Variants in PHKA2 observed in about 807,000 individuals in gnomAD.
PHKA2 encodes the protein phosphorylase kinase regulatory subunit alpha 2.
A neutral mutation model predicts 102.0 loss-of-function variants in PHKA2; 31 were observed. The observed-to-expected ratio is 0.30, with a 90% CI of 0.23 to 0.41. PHKA2 has a LOEUF of 0.41. PHKA2 is among the 10% of genes least tolerant of loss of function. PHKA2 has a pLI of 1.00. For missense variants in PHKA2, 858 were observed against 1,023.1 expected (o/e 0.84, Z 2.20); for synonymous variants, 455 against 416.2 (o/e 1.09, Z -1.13).
At chrX:18,956,947 G>C (rs985633338) in intron 1 of PHKA2, among the ~76,000 whole-genome samples, 1 of 112,086 alleles carries the variant, frequency 8.9e-6, no homozygotes, top group Non-Finnish European at 1.9e-5. Context: ...TTCTCACCCA[G>C]GCTGGAGTGC....
intron 3 of PHKA2, among the ~76,000 whole-genome samples, chrX:18,952,088 C>G (rs1307416543): frequency 9.4e-6 from 1 of 106,514 alleles, no homozygotes; most frequent in Non-Finnish European, 1.9e-5. Context: ...ACTCCTCACA[C>G]CTGTAATCCG....
In PHKA2 at chrX:18,925,766, T is replaced by G. The variant is rs2048200168; in HGVS notation, c.1471A>C (p.Asn491His). Residue 491 changes from asparagine (N) to histidine (H), a missense_variant, in exon 15 of 33, where the codon AAT becomes CAT. Physicochemically the swap from Asn to His is moderately conservative, Grantham distance 68. This residue lies in a region of PHKA2 where 671 missense variants were observed against 745.2 expected (regional missense o/e 0.90). Coordinates refer to ENST00000379942, the MANE Select transcript of PHKA2 (RefSeq NM_000292.3). ...HIYAKLGRNK[N>H]MNLSGRPYRH... Reference sequence around the variant, plus strand: ...TACGGTCGCCCACTCAAATTCATATTCTTATTCCGTCCTGTTTGAGAAGTA... The same window carrying G: ...TACGGTCGCCCACTCAAATTCATATGCTTATTCCGTCCTGTTTGAGAAGTA... The G allele has an allele frequency of 8.6e-7, 1 of 1,161,285 alleles. No individual in the cohort carries two copies. The highest frequency in any genetic ancestry group is 2.2e-5 in the Admixed American group (1 of 45,623).
Position 18,897,303 on chromosome X carries a change from T to TGCCAGTGGG in PHKA2, c.3133_3141dup (p.Pro1045_Gly1047dup). The TGCCAGTGGG allele has an allele frequency of 8.3e-7, 1 of 1,210,235 alleles. No individual in the cohort carries two copies. The highest frequency in any genetic ancestry group is 1.1e-6 in the Non-Finnish European group (1 of 895,153). ...TGTCCTCCCGAGTCTGAGGATGACG[T>TGCCAGTGGG]GCCAGTGGGCGAGGATGGGGTGCTG... On this transcript the variant is annotated inframe_insertion, in exon 30 of 33. Transcript: ENST00000379942.
intron 22 of PHKA2, among the ~76,000 whole-genome samples, chrX:18,907,419 C>T (rs1486761492): frequency 8.9e-6 from 1 of 112,030 alleles, no homozygotes; most frequent in Non-Finnish European, 1.9e-5. Flanking sequence ...GGGATGAGTC[C>T]GAAGATACCG....
intron 29 of PHKA2, among the ~76,000 whole-genome samples, chrX:18,898,583 T>C (rs746389405): frequency 1.8e-5 from 2 of 112,820 alleles, no homozygotes; most frequent in Non-Finnish European, 3.8e-5. Flanking sequence ...TCTGCAGCAG[T>C]TGGATTTCAA....
chrX:18,931,204 C>A (rs1410709361), intron 12 of PHKA2, among the ~76,000 whole-genome samples: 1 of 112,293 alleles, frequency 8.9e-6, no homozygotes, highest in Non-Finnish European at 1.9e-5. Context: ...GAAAATCCGG[C>A]CCGCCACCTC....
At chrX:18,977,555 C>T (rs2049106880) in intron 1 of PHKA2, among the ~76,000 whole-genome samples, 1 of 111,451 alleles carries the variant, frequency 9.0e-6, no homozygotes, top group Non-Finnish European at 1.9e-5. Context: ...TCAAATTTTG[C>T]TTTACATACT....
At chrX:18,947,841 G>C (rs1013906323) in intron 5 of PHKA2, among the ~76,000 whole-genome samples, 1 of 112,261 alleles carries the variant, frequency 8.9e-6, no homozygotes, top group African/African-American at 3.2e-5. Flanking sequence ...TGGATTAATG[G>C]CATTTGCAGC....
chrX:18,910,764 C>T (rs1043487241), intron 20 of PHKA2, 108 bp downstream of exon 20: 8 of 493,838 alleles, frequency 1.6e-5, no homozygotes, highest in African/African-American at 1.2e-4. Context: ...TCCCTGATAT[C>T]GAGAAATATG....
chrX:18,894,326 G>A lies in PHKA2; in HGVS notation c.3415C>T (p.Leu1139=), dbSNP rs371835709. ...NRVPQPEYRQ[L]LVEAIMVLTL... is the part of the protein sequence containing the mutation. ...AGCACCATGATGGCTTCCACCAGCA[G>A]CTGCCGGTACTCGGGCTGCGGCACG... The change falls in exon 32 of 33, where the codon CTG becomes TTG. Residue 1139 remains leucine, a synonymous_variant. Transcript: ENST00000379942. The A allele has an allele frequency of 4.1e-6, 5 of 1,209,787 alleles. No homozygotes were observed. Among genetic ancestry groups the A allele is most frequent in the Non-Finnish European group, 5.6e-6 (5 of 894,918 alleles).
chrX:18,977,591 C>T (rs5909101), intron 1 of PHKA2, among the ~76,000 whole-genome samples: 6,843 of 111,285 alleles, frequency 0.061, 228 homozygotes, highest in Non-Finnish European at 0.097. Flanking sequence ...TAGTATTCTG[C>T]AGATTTAAAA....
Position 18,892,596 on chromosome X carries a change from A to C in PHKA2, c.*889T>G, listed in dbSNP as rs1424504180. ...TGCGGGGACATGCCTGTTCACTTCC[A>C]TGGCACTGCTGACTTGTGCTCACCC... On this transcript the variant is annotated 3_prime_UTR_variant, in exon 33 of 33. Transcript: ENST00000379942. 8.9e-6 allele frequency: 1 copy of C among 112,139 alleles called. No individual in the cohort carries two copies. Among genetic ancestry groups the C allele is most frequent in the Non-Finnish European group, 1.9e-5 (1 of 53,258 alleles). 9.2% of individuals were successfully genotyped at this position (112,139 alleles called of 1,213,427 possible). A position where few individuals can be genotyped will look rare whatever the true frequency, so the allele number is the denominator to read the frequency against.
rs1023206194 is a variant in PHKA2, at chrX:18,938,637, T to C, written c.1031A>G (p.Asp344Gly). 4 of 1,204,981 alleles carry C rather than the reference T, an allele frequency of 3.3e-6. No homozygotes were observed. The East Asian group carries it at 8.9e-5, about 27-fold the overall frequency. ...CCAGCATTTTCTCACCTGAACAGCA[T>C]CACCACTGAAGACTCCATCTATTAT... ...YFIIDGVFSG[D>G]AVQVQEYREA... is the part of the protein sequence containing the mutation. The change falls in exon 10 of 33, where the codon GAT becomes GGT. Residue 344 changes from aspartate (D) to glycine (G), a missense_variant. Physicochemically the swap from Asp to Gly is moderately conservative, Grantham distance 94. This residue lies in a region of PHKA2 where 671 missense variants were observed against 745.2 expected (regional missense o/e 0.90). Coordinates refer to ENST00000379942, the MANE Select transcript of PHKA2 (RefSeq NM_000292.3).
intron 25 of PHKA2, 77 bp from the exon 26 acceptor site, chrX:18,905,936 G>C (rs966005691): frequency 1.4e-6 from 1 of 691,472 alleles, no homozygotes; most frequent in African/African-American, 2.1e-5. Flanking sequence ...GGACGTGGGT[G>C]GGGAGGGAGG....
chrX:18,968,978 G>A (rs982634422), intron 1 of PHKA2, among the ~76,000 whole-genome samples: 1 of 111,334 alleles, frequency 9.0e-6, no homozygotes, highest in African/African-American at 3.3e-5. Flanking sequence ...TTAGCGGGGC[G>A]TGGTGGTGCA....
chrX:18,894,948 G>A (rs1009257540), intron 31 of PHKA2, 190 bp downstream of exon 31: 1 of 491,001 alleles, frequency 2.0e-6, no homozygotes, highest in South Asian at 2.9e-5. Flanking sequence ...GAAGAAAAAG[G>A]CTGATGCCAA....
intron 12 of PHKA2, 36 bp from the exon 13 acceptor site, chrX:18,929,342 G>A: frequency 2.2e-6 from 2 of 918,370 alleles, no homozygotes; most frequent in Non-Finnish European, 3.1e-6. Context: ...ATGAAATATT[G>A]ATTAACTAAA....
chrX:18,898,858 T>C (rs2047622917), intron 29 of PHKA2, among the ~76,000 whole-genome samples: 1 of 111,775 alleles, frequency 8.9e-6, no homozygotes, highest in African/African-American at 3.3e-5. Flanking sequence ...CCTGGCTCCA[T>C]AAAGAGGCAT....
intron 10 of PHKA2, 29 bp downstream of exon 10, chrX:18,938,598 T>C: frequency 8.5e-7 from 1 of 1,180,302 alleles, no homozygotes; most frequent in South Asian, 1.8e-5. Flanking sequence ...TGAAAATAAT[T>C]ATCAACGTAA....
Sources: allele counts gnomAD v4.1 joint callset (sites outside exome capture counted in the v4.1 genomes callset), GRCh38; gene constraint gnomAD v4.1.1; regional missense constraint gnomAD v4.1.1; transcripts MANE v1.5; gene names NCBI Gene and HGNC (gene_info 2026-07-23, HGNC 2026-07-21).